WASF3: variants seen among roughly 807,000 people sequenced by gnomAD.
WASF3 encodes WASP family member 3.
WASF3 carries 11 observed loss-of-function variants against 46.6 expected under a neutral mutation model. The observed-to-expected ratio is 0.24, with a 90% confidence interval of 0.15 to 0.39. WASF3 has a LOEUF of 0.39. WASF3 is among the 10% of genes least tolerant of loss of function. The pLI is 1.00. For missense variants in WASF3, 576 were observed against 669.8 expected, an observed-to-expected ratio of 0.86 and a Z score of 1.55; for synonymous variants, 242 against 259.7, an observed-to-expected ratio of 0.93 and a Z score of 0.65.
At chr13:26,545,736 C>G in the WASF3 span, among the ~76,000 whole-genome samples, 1 of 152,148 alleles carries the variant, frequency 6.6e-6, no homozygotes. Flanking sequence ...TCCTGAGTAA[C>G]TGGGACTACA....
intron 1 of WASF3, among the ~76,000 whole-genome samples, chr13:26,604,720 TAAAGC>T (rs1880742307): frequency 6.6e-6 from 1 of 152,192 alleles, no homozygotes; most frequent in Non-Finnish European, 1.5e-5. Context: ...GTTCAGTAAT[TAAAGC>T]AGAGAAAAAT....
At chr13:26,556,213 A>G (rs1357119730), upstream of WASF3, among the ~76,000 whole-genome samples, 1 of 152,228 alleles carries the variant, frequency 6.6e-6, no homozygotes, top group Non-Finnish European at 1.5e-5. Flanking sequence ...AGCGGTTTAT[A>G]AGGCTGGGGT....
At chr13:26,651,065 A>G (rs186551576) in intron 3 of WASF3, among the ~76,000 whole-genome samples, 1 of 152,212 alleles carries the variant, frequency 6.6e-6, no homozygotes, top group African/African-American at 2.4e-5. Context: ...AAACCACGTC[A>G]TAATAAAATT....
rs1405765926 is a variant in WASF3 at position 26,686,688 on chromosome 13, C to G, written c.*843C>G. The G allele has an allele frequency of 1.3e-5, 2 of 152,470 alleles. No individual in the cohort carries two copies. Among genetic ancestry groups the G allele is most frequent in the African/African-American group, 4.8e-5 (2 of 41,470 alleles). 9.4% of individuals were successfully genotyped at this position (152,470 alleles called of 1,614,324 possible). ...TGCGAGCAGTCCATGACTCTGGGAGCTACACCGCTGAGCTGGGCAGAGCTG... is the reference window on the plus strand; with the variant it reads ...TGCGAGCAGTCCATGACTCTGGGAGGTACACCGCTGAGCTGGGCAGAGCTG... On this transcript the variant is annotated 3_prime_UTR_variant, in exon 10 of 10. Coordinates refer to ENST00000335327, the MANE Select transcript of WASF3 (RefSeq NM_006646.6).
chr13:26,564,352 C>A (rs376464876), intron 1 of WASF3, among the ~76,000 whole-genome samples: 1 of 152,194 alleles, frequency 6.6e-6, no homozygotes, highest in South Asian at 2.1e-4. Context: ...ATATAGAGAC[C>A]TTCATTTAGG....
At chr13:26,554,092 C>CT (rs1443126879), upstream of WASF3, among the ~76,000 whole-genome samples, 459 of 23,088 alleles carry the variant, frequency 0.02, 7 homozygotes, top group Middle Eastern at 0.031. Context: ...TCCTTCCTTC[C>CT]TTCCTTCTTT....
chr13:26,684,094 T>C (rs1280532394), intron 9 of WASF3, among the ~76,000 whole-genome samples: 2 of 152,176 alleles, frequency 1.3e-5, no homozygotes, highest in Admixed American at 6.5e-5. Flanking sequence ...TGCGTTTTTC[T>C]TGTGTGCCCA....
intron 2 of WASF3, among the ~76,000 whole-genome samples, chr13:26,636,184 G>A (rs4329774): frequency 0.18 from 26,661 of 152,226 alleles, 2,681 homozygotes; most frequent in South Asian, 0.27. Flanking sequence ...AAGCTTCCCG[G>A]CTGCTTTGTT....
chr13:26,642,606 C>A (rs1882032296), intron 3 of WASF3, among the ~76,000 whole-genome samples: 2 of 152,160 alleles, frequency 1.3e-5, no homozygotes, highest in Non-Finnish European at 2.9e-5. Context: ...ATGTGATGCT[C>A]TTACCAACTC....
the WASF3 span, among the ~76,000 whole-genome samples, chr13:26,546,285 T>C: frequency 6.6e-6 from 1 of 152,252 alleles, no homozygotes. Context: ...CAGGTGTTAA[T>C]AGTGATTGTT....
intron 6 of WASF3, among the ~76,000 whole-genome samples, chr13:26,673,141 G>T (rs1264143576): frequency 6.6e-6 from 1 of 152,294 alleles, no homozygotes; most frequent in Non-Finnish European, 1.5e-5. Context: ...AGGGGAAAAT[G>T]CTGGGGCTTA....
At chr13:26,639,078 TTATA>T (rs1211756533) in intron 2 of WASF3, among the ~76,000 whole-genome samples, 1 of 152,182 alleles carries the variant, frequency 6.6e-6, no homozygotes, top group African/African-American at 2.4e-5. Flanking sequence ...CCTCTTCTCT[TTATA>T]AACTACCCAG....
chr13:26,687,881 T>C lies in WASF3; in HGVS notation c.*2036T>C, dbSNP rs1883462134. 1 of 152,154 alleles carries C rather than the reference T, an allele frequency of 6.6e-6. No homozygotes were observed. The highest frequency in any genetic ancestry group is 1.5e-5 in the Non-Finnish European group (1 of 68,028). 9.4% of individuals were successfully genotyped at this position (152,154 alleles called of 1,614,324 possible). A position where few individuals can be genotyped will look rare whatever the true frequency, so the allele number is the denominator to read the frequency against. ...CTCCCCTTTGGTAATGCTTCTTTGT[T>C]TTTTTATGGCCCTTCTGTTCTCAGG... On this transcript the variant is annotated 3_prime_UTR_variant, in exon 10 of 10. Transcript: ENST00000335327.
chr13:26,577,244 T>G, intron 1 of WASF3: 1 of 735,938 alleles, frequency 1.4e-6, no homozygotes, highest in Non-Finnish European at 2.5e-6. Context: ...AGACAGTGAT[T>G]AAAGCTCATG....
Position 26,577,636 on chromosome 13 carries a change from A to G in WASF3, c.-109+19817A>G, listed in dbSNP as rs148274611. 1,770 of 1,200,380 alleles carry G rather than the reference A, an allele frequency of 1.5e-3. 19 individuals are homozygous for G. The African/African-American group carries it at 0.024, about 16-fold the overall frequency. 74.4% of individuals were successfully genotyped at this position (1,200,380 alleles called of 1,614,324 possible). ...GGAGCAAGACAGGTGCTAAAGTTGAATGAGCTGATGGATATGAACCACCAG... is the reference window on the plus strand; with the variant it reads ...GGAGCAAGACAGGTGCTAAAGTTGAGTGAGCTGATGGATATGAACCACCAG... On this transcript the variant is annotated intron_variant, in intron 1 of 9. Transcript: ENST00000335327.
chr13:26,572,938 G>T (rs1278325153), intron 1 of WASF3, among the ~76,000 whole-genome samples: 1 of 152,136 alleles, frequency 6.6e-6, no homozygotes, highest in African/African-American at 2.4e-5. Flanking sequence ...ATATTGGTTT[G>T]TAATGTTCCT....
At chr13:26,555,961 C>A (rs1318321210), upstream of WASF3, among the ~76,000 whole-genome samples, 2 of 152,156 alleles carry the variant, frequency 1.3e-5, no homozygotes, top group African/African-American at 4.8e-5. Flanking sequence ...TCACACAAGA[C>A]CATATTTGAA....
intron 2 of WASF3, among the ~76,000 whole-genome samples, chr13:26,632,610 C>T (rs1390575993): frequency 6.6e-6 from 1 of 152,160 alleles, no homozygotes; most frequent in African/African-American, 2.4e-5. Flanking sequence ...TGAAGTTCAT[C>T]AGGGATATTG....
At chr13:26,601,238 CT>C (rs754733019) in intron 1 of WASF3, among the ~76,000 whole-genome samples, 11 of 152,146 alleles carry the variant, frequency 7.2e-5, no homozygotes, top group Non-Finnish European at 1.5e-4. Context: ...TTCCATTTAT[CT>C]CAGCAGTTTT....
Sources: allele counts gnomAD v4.1 joint callset (sites outside exome capture counted in the v4.1 genomes callset), GRCh38; gene constraint gnomAD v4.1.1; transcripts MANE v1.5; gene names NCBI Gene and HGNC (gene_info 2026-07-23, HGNC 2026-07-21).